Variants in FAM151B observed in about 807,000 individuals in gnomAD.
FAM151B encodes family with sequence similarity 151 member B.
In FAM151B, 24 loss-of-function variants were observed where a neutral mutation model predicts 31.2. The observed-to-expected ratio is 0.77, with a 90% CI of 0.56 to 1.08. FAM151B has a LOEUF of 1.08. Among genes scored for constraint, FAM151B ranks in the 50% least tolerant of loss-of-function variants. FAM151B has a pLI of 0.00. For synonymous variants in FAM151B, 105 were observed against 111.4 expected (o/e 0.94, Z 0.36); for missense variants, 293 against 328.6 (o/e 0.89, Z 0.84).
chr5:80,497,530 A>G (rs886410214), intron 1 of FAM151B, among the ~76,000 whole-genome samples: 3 of 152,148 alleles, frequency 2.0e-5, no homozygotes, highest in Non-Finnish European at 4.4e-5. Context: ...GCCTGTTTAA[A>G]TAATAATACT....
In FAM151B at chr5:80,513,633, C is replaced by T. The variant is rs1744284814; in HGVS notation, c.181C>T (p.Leu61Phe). The change falls in exon 3 of 6, where the codon CTT (leucine) becomes TTT (phenylalanine). Residue 61 changes from leucine to phenylalanine, a missense_variant. Coordinates refer to ENST00000282226, the MANE Select transcript of FAM151B (RefSeq NM_205548.3). ...TGCTCACATGATAGAGGCTGATGTCCTTCTTCCAAGTGATGGATCAGAACA... is the reference window on the plus strand; with the variant it reads ...TGCTCACATGATAGAGGCTGATGTCTTTCTTCCAAGTGATGGATCAGAACA... ...STAHMIEADV[L>F]LPSDGSEHSQ... is the part of the protein sequence containing the mutation. The T allele has an allele frequency of 6.2e-7, 1 of 1,613,746 alleles. No individual in the cohort carries two copies. Among genetic ancestry groups the T allele is most frequent in the Non-Finnish European group, 8.5e-7 (1 of 1,179,928 alleles).
chr5:80,503,474 C>G (rs148008061), intron 2 of FAM151B, among the ~76,000 whole-genome samples: 12 of 152,048 alleles, frequency 7.9e-5, no homozygotes, highest in African/African-American at 2.9e-4. Flanking sequence ...GAAGCTGAGT[C>G]AGGAGGATCG....
At chr5:80,532,148 T>A (rs1055919238) in intron 5 of FAM151B, among the ~76,000 whole-genome samples, 5 of 142,828 alleles carry the variant, frequency 3.5e-5, no homozygotes, top group Non-Finnish European at 7.5e-5. Flanking sequence ...GTGTTCTCAC[T>A]CATAGGTGGG....
intron 1 of FAM151B, among the ~76,000 whole-genome samples, chr5:80,492,170 A>G (rs912543165): frequency 1.2e-4 from 18 of 150,816 alleles, no homozygotes; most frequent in African/African-American, 4.4e-4. Flanking sequence ...TTTGCAGATA[A>G]TCCTTTTTTT....
At chr5:80,531,852 A>G (rs985043467) in intron 5 of FAM151B, among the ~76,000 whole-genome samples, 6 of 152,230 alleles carry the variant, frequency 3.9e-5, no homozygotes, top group Non-Finnish European at 7.3e-5. Context: ...ATCTAGAACT[A>G]GAAATACCAT....
chr5:80,519,354 G>T (rs888187505), intron 3 of FAM151B, among the ~76,000 whole-genome samples: 2 of 152,028 alleles, frequency 1.3e-5, no homozygotes, highest in African/African-American at 4.8e-5. Flanking sequence ...ATACATTCTG[G>T]AACGAGTGAA....
chr5:80,503,587 G>A (rs1423242455), intron 2 of FAM151B, among the ~76,000 whole-genome samples: 4 of 151,544 alleles, frequency 2.6e-5, no homozygotes, highest in Non-Finnish European at 5.9e-5. Flanking sequence ...AAGAAAGAAA[G>A]CAAAGAAAAG....
In FAM151B at chr5:80,541,978, G is replaced by A; in HGVS notation, c.*146G>A. 4 of 813,004 alleles carry A rather than the reference G, an allele frequency of 4.9e-6. No homozygotes were observed. The highest frequency in any genetic ancestry group is 7.6e-6 in the Non-Finnish European group (4 of 526,330). 50.4% of individuals were successfully genotyped at this position (813,004 alleles called of 1,614,324 possible). ...ACGTTTATTGTATGCTTACTCTGTG[G>A]GCATATGTCCTTATAATAGTGCACT... On this transcript the variant is annotated 3_prime_UTR_variant, in exon 6 of 6. Transcript: ENST00000282226.
chr5:80,513,259 G>T (rs973576155), intron 2 of FAM151B, among the ~76,000 whole-genome samples: 2 of 152,206 alleles, frequency 1.3e-5, no homozygotes, highest in African/African-American at 4.8e-5. Flanking sequence ...GAAGATAAAA[G>T]TACGATTTTT....
At chr5:80,524,840 T>C (rs1744888162) in intron 5 of FAM151B, among the ~76,000 whole-genome samples, 1 of 152,194 alleles carries the variant, frequency 6.6e-6, no homozygotes, top group African/African-American at 2.4e-5. Context: ...ATTTTTTTAT[T>C]ATCTAATGTT....
At chr5:80,506,072 T>C (rs1480125170) in intron 2 of FAM151B, 2 of 985,744 alleles carry the variant, frequency 2.0e-6, no homozygotes, top group Non-Finnish European at 1.2e-6. Flanking sequence ...TTTACTTTTA[T>C]TAAGGTATCC....
At chr5:80,532,225 G>C (rs1185341246) in intron 5 of FAM151B, among the ~76,000 whole-genome samples, 8 of 118,448 alleles carry the variant, frequency 6.8e-5, no homozygotes, top group African/African-American at 1.9e-4. Flanking sequence ...GTTGTGGGGT[G>C]GGGGGAGGGG....
At chr5:80,508,107 C>T (rs898673969) in intron 2 of FAM151B, among the ~76,000 whole-genome samples, 13 of 152,106 alleles carry the variant, frequency 8.5e-5, no homozygotes, top group Admixed American at 5.9e-4. Flanking sequence ...TGTATCAGTT[C>T]TTTATTCCTT....
chr5:80,499,805 CCTAA>C (rs1360547499), intron 1 of FAM151B: 3 of 151,118 alleles, frequency 2.0e-5, no homozygotes, highest in African/African-American at 7.3e-5. Context: ...TTTTTCCCAG[CCTAA>C]CTATTTTGTT....
intron 2 of FAM151B, among the ~76,000 whole-genome samples, chr5:80,502,978 G>A (rs1387148592): frequency 1.3e-5 from 2 of 152,172 alleles, no homozygotes; most frequent in Non-Finnish European, 2.9e-5. Flanking sequence ...GTCAGGAACT[G>A]TAAGGAGTCA....
intron 5 of FAM151B, among the ~76,000 whole-genome samples, chr5:80,532,734 T>C (rs1375280704): frequency 2.6e-5 from 4 of 152,156 alleles, no homozygotes; most frequent in South Asian, 4.1e-4. Flanking sequence ...TTCTCCAGGG[T>C]AGACCATATA....
At chr5:80,505,616 G>T (rs902462034) in intron 2 of FAM151B, among the ~76,000 whole-genome samples, 2 of 151,432 alleles carry the variant, frequency 1.3e-5, no homozygotes, top group African/African-American at 2.4e-5. Flanking sequence ...GGATGGTCTC[G>T]ATCTCCTGAC....
At chr5:80,500,482 T>G in intron 1 of FAM151B, 1 of 806,786 alleles carries the variant, frequency 1.2e-6, no homozygotes, top group South Asian at 1.4e-5. Flanking sequence ...AGCTTATCTG[T>G]GAAAAAGCAA....
chr5:80,493,988 C>T (rs897247979), intron 1 of FAM151B, among the ~76,000 whole-genome samples: 2 of 152,134 alleles, frequency 1.3e-5, no homozygotes, highest in African/African-American at 2.4e-5. Flanking sequence ...TATGTGATGT[C>T]ACCCCTGGAG....
Sources: allele counts gnomAD v4.1 joint callset (sites outside exome capture counted in the v4.1 genomes callset), GRCh38; gene constraint gnomAD v4.1.1; transcripts MANE v1.5; gene names NCBI Gene and HGNC (gene_info 2026-07-23, HGNC 2026-07-21).